Variants in DACH1 observed in about 807,000 individuals in gnomAD.
DACH1 encodes dachshund family transcription factor 1, also known as dachshund homolog 1.
A neutral mutation model predicts 54.2 loss-of-function variants in DACH1; 12 were observed. That is an observed-to-expected ratio of 0.22 (90% CI 0.14 to 0.36). The LOEUF is 0.36. Among genes scored for constraint, DACH1 ranks in the 10% least tolerant of loss-of-function variants. The pLI, the probability that DACH1 is intolerant of heterozygous loss-of-function variation, is 1.00. For synonymous variants in DACH1, 386 were observed against 366.2 expected (o/e 1.05, Z -0.62); for missense variants, 805 against 929.8 (o/e 0.87, Z 1.75).
At chr13:71,530,126 T>A (rs138179036) in intron 6 of DACH1, among the ~76,000 whole-genome samples, 1 of 152,300 alleles carries the variant, frequency 6.6e-6, no homozygotes, top group Non-Finnish European at 1.5e-5. Context: ...AAAGTATGAA[T>A]GAGTAACACA....
intron 1 of DACH1, among the ~76,000 whole-genome samples, chr13:71,748,695 A>G (rs928503964): frequency 1.3e-5 from 2 of 152,172 alleles, no homozygotes; most frequent in East Asian, 1.9e-4. Flanking sequence ...TCAAAGAACA[A>G]TGCCTATTTG....
At chr13:71,514,473 T>C (rs762702190) in intron 6 of DACH1, among the ~76,000 whole-genome samples, 1 of 151,894 alleles carries the variant, frequency 6.6e-6, no homozygotes, top group Non-Finnish European at 1.5e-5. Context: ...TACAAGTTCA[T>C]GTAAAGTTAT....
intron 1 of DACH1, among the ~76,000 whole-genome samples, chr13:71,829,067 T>C (rs1888489138): frequency 6.6e-6 from 1 of 152,032 alleles, no homozygotes; most frequent in African/African-American, 2.4e-5. Flanking sequence ...GTTAAAAGCA[T>C]TAACCTCTTC....
At chr13:71,801,565 G>T (rs940594575) in intron 1 of DACH1, among the ~76,000 whole-genome samples, 3 of 152,000 alleles carry the variant, frequency 2.0e-5, no homozygotes, top group East Asian at 1.9e-4. Context: ...AGGAGTTCGC[G>T]GTTCCAAGTG....
At chr13:71,692,038 C>CACAG (rs1881506215) in intron 1 of DACH1, among the ~76,000 whole-genome samples, 1 of 151,720 alleles carries the variant, frequency 6.6e-6, no homozygotes, top group African/African-American at 2.4e-5. Context: ...CACACACACA[C>CACAG]ACACACACAG....
At chr13:71,768,455 G>A (rs190292601) in intron 1 of DACH1, among the ~76,000 whole-genome samples, 2 of 152,064 alleles carry the variant, frequency 1.3e-5, no homozygotes, top group Non-Finnish European at 2.9e-5. Flanking sequence ...TGTCAGAAGG[G>A]TGTATTGCTT....
At chr13:71,488,055 T>G (rs1878684599) in intron 7 of DACH1, among the ~76,000 whole-genome samples, 1 of 152,144 alleles carries the variant, frequency 6.6e-6, no homozygotes, top group Non-Finnish European at 1.5e-5. Context: ...AGAAGATATG[T>G]TACATTAAAG....
intron 3 of DACH1, among the ~76,000 whole-genome samples, chr13:71,627,036 G>A (rs902437121): frequency 6.6e-6 from 1 of 151,922 alleles, no homozygotes; most frequent in African/African-American, 2.4e-5. Flanking sequence ...TGCCTCACTC[G>A]GATCTATCCT....
intron 1 of DACH1, among the ~76,000 whole-genome samples, chr13:71,816,750 G>A (rs1238794256): frequency 2.6e-5 from 4 of 151,452 alleles, no homozygotes; most frequent in Admixed American, 6.6e-5. Context: ...AACAGATCAC[G>A]TCCTTTGCAG....
At chr13:71,794,639 T>C (rs549288292) in intron 1 of DACH1, among the ~76,000 whole-genome samples, 3 of 152,288 alleles carry the variant, frequency 2.0e-5, no homozygotes, top group African/African-American at 7.2e-5. Context: ...GGTTTCACCA[T>C]GTTGGCCAGG....
chr13:71,511,601 A>G (rs367950330), intron 6 of DACH1, among the ~76,000 whole-genome samples: 6 of 152,000 alleles, frequency 3.9e-5, no homozygotes, highest in East Asian at 1.9e-4. Context: ...AAGTAAAAAG[A>G]GAAAAACTCA....
At chr13:71,462,310 A>G (rs9529898) in intron 10 of DACH1, among the ~76,000 whole-genome samples, 99,259 of 151,726 alleles carry the variant, frequency 0.65, 34,822 homozygotes, top group Non-Finnish European at 0.79. Context: ...AACAATAACT[A>G]GTTTATTTTT....
intron 3 of DACH1, among the ~76,000 whole-genome samples, chr13:71,616,998 C>T (rs1184863517): frequency 2.6e-5 from 4 of 151,738 alleles, no homozygotes; most frequent in African/African-American, 9.7e-5. Context: ...TCTCCTGCCT[C>T]AGCCTCCCGA....
chr13:71,441,448 A>G (rs183964903), intron 10 of DACH1, among the ~76,000 whole-genome samples: 192 of 152,154 alleles, frequency 1.3e-3, no homozygotes, highest in Non-Finnish European at 2.4e-3. Flanking sequence ...ATATTTCTCA[A>G]ATATTTAATA....
At chr13:71,858,611 TG>T (rs1874155652) in intron 1 of DACH1, among the ~76,000 whole-genome samples, 1 of 151,738 alleles carries the variant, frequency 6.6e-6, no homozygotes, top group East Asian at 1.9e-4. Context: ...ATCACCACGT[TG>T]TACAACATTT....
At chr13:71,538,938 G>A (rs1426175324) in intron 6 of DACH1, among the ~76,000 whole-genome samples, 1 of 151,994 alleles carries the variant, frequency 6.6e-6, no homozygotes, top group African/African-American at 2.4e-5. Flanking sequence ...ATTTTAGGCA[G>A]TTATTGGATA....
At chr13:71,538,351 G>A (rs936285966) in intron 6 of DACH1, among the ~76,000 whole-genome samples, 3 of 151,398 alleles carry the variant, frequency 2.0e-5, no homozygotes, top group Non-Finnish European at 4.4e-5. Context: ...TATAATGGGA[G>A]TGTTTCTGAT....
chr13:71,805,365 C>A (rs749171447), intron 1 of DACH1, among the ~76,000 whole-genome samples: 5 of 152,182 alleles, frequency 3.3e-5, no homozygotes, highest in African/African-American at 4.8e-5. Flanking sequence ...AAAGAGTCAA[C>A]ATTTTCTATT....
At chr13:71,546,537 T>C (rs1883478196) in intron 6 of DACH1, among the ~76,000 whole-genome samples, 1 of 151,984 alleles carries the variant, frequency 6.6e-6, no homozygotes, top group South Asian at 2.1e-4. Context: ...TTTTTAAGAA[T>C]TTAGAAACAT....
Sources: allele counts gnomAD v4.1 joint callset (sites outside exome capture counted in the v4.1 genomes callset), GRCh38; gene constraint gnomAD v4.1.1; transcripts MANE v1.5; gene names NCBI Gene and HGNC (gene_info 2026-07-23, HGNC 2026-07-21).